The following GRXCR1 variants were observed in gnomAD, a reference collection of about 807,000 sequenced individuals.
GRXCR1 encodes the protein glutaredoxin and cysteine rich domain containing 1.
A neutral mutation model predicts 27.3 loss-of-function variants in GRXCR1; 27 were observed. The observed-to-expected ratio is 0.99, with a 90% CI of 0.73 to 1.37. GRXCR1 has a LOEUF of 1.37. Ranked by LOEUF, GRXCR1 falls within the 40% of genes most tolerant of loss-of-function variation. The pLI is 0.00. For synonymous variants in GRXCR1, 122 were observed against 131.1 expected (o/e 0.93, Z 0.47); for missense variants, 379 against 354.4 (o/e 1.07, Z -0.56).
intron 1 of GRXCR1, among the ~76,000 whole-genome samples, chr4:42,939,922 T>C (rs952431164): frequency 6.6e-6 from 1 of 151,856 alleles, no homozygotes; most frequent in African/African-American, 2.4e-5. Flanking sequence ...CTGTTATCTA[T>C]TTTTTCCCCT....
intron 1 of GRXCR1, among the ~76,000 whole-genome samples, chr4:42,896,214 C>A (rs140541137): frequency 4.6e-5 from 7 of 152,094 alleles, no homozygotes; most frequent in Non-Finnish European, 8.8e-5. Flanking sequence ...TGGTATATGT[C>A]CTGCAAAAAT....
At chr4:42,911,234 C>T (rs916996719) in intron 1 of GRXCR1, among the ~76,000 whole-genome samples, 2 of 152,114 alleles carry the variant, frequency 1.3e-5, no homozygotes, top group African/African-American at 4.8e-5. Flanking sequence ...AAAATCCAAT[C>T]TAATTTTAGG....
At chr4:42,932,112 C>A (rs1420490941) in intron 1 of GRXCR1, among the ~76,000 whole-genome samples, 1 of 151,958 alleles carries the variant, frequency 6.6e-6, no homozygotes, top group Admixed American at 6.6e-5. Flanking sequence ...AGCTACAATT[C>A]AAGATGAGAT....
intron 2 of GRXCR1, among the ~76,000 whole-genome samples, chr4:42,977,167 A>G (rs994766538): frequency 6.6e-6 from 1 of 152,048 alleles, no homozygotes; most frequent in Admixed American, 6.6e-5. Flanking sequence ...TAATGGATGA[A>G]TAGTATTCCA....
At chr4:42,968,533 C>A (rs936285273) in intron 2 of GRXCR1, among the ~76,000 whole-genome samples, 1 of 151,760 alleles carries the variant, frequency 6.6e-6, no homozygotes, top group Non-Finnish European at 1.5e-5. Context: ...TTCTCATATG[C>A]AAAATGTACA....
intron 3 of GRXCR1, among the ~76,000 whole-genome samples, chr4:43,026,298 A>G (rs1201866483): frequency 1.3e-5 from 2 of 152,328 alleles, no homozygotes; most frequent in East Asian, 3.9e-4. Flanking sequence ...CCTCTAAATT[A>G]GGACCAGACT....
In GRXCR1 at chr4:42,970,437, A is replaced by G. The variant is rs1235400691; in HGVS notation, c.627+7303A>G. Reference sequence around the variant, plus strand: ...TACCTGGACATCCAGGCGTTTCCTTATATCCTCTGAAATCTAAGAGGAGGT... The same window carrying G: ...TACCTGGACATCCAGGCGTTTCCTTGTATCCTCTGAAATCTAAGAGGAGGT... On this transcript the variant is annotated intron_variant, in intron 2 of 3. Transcript: ENST00000399770. Among the ~76,000 whole-genome samples the G allele has an allele frequency of 2.0e-5, 3 of 152,124 alleles. No homozygotes were observed. In the East Asian group the frequency reaches 5.8e-4, roughly 29 times the overall value.
intron 2 of GRXCR1, among the ~76,000 whole-genome samples, chr4:42,972,778 G>A (rs1006547187): frequency 3.3e-5 from 5 of 152,072 alleles, no homozygotes; most frequent in African/African-American, 1.2e-4. Context: ...TCAAATTTAG[G>A]TGTGTCTGGC....
intron 2 of GRXCR1, among the ~76,000 whole-genome samples, chr4:43,001,104 T>C (rs1189850424): frequency 6.6e-6 from 1 of 151,176 alleles, no homozygotes; most frequent in East Asian, 1.9e-4. Flanking sequence ...TTTTTGTATT[T>C]TTTTTTTTTT....
intron 2 of GRXCR1, among the ~76,000 whole-genome samples, chr4:42,989,966 T>A (rs1711909460): frequency 2.6e-5 from 4 of 152,074 alleles, no homozygotes; most frequent in African/African-American, 9.6e-5. Context: ...TCCAAGGTTG[T>A]GAAAAGTTTT....
chr4:42,990,737 G>T (rs2109790866), intron 2 of GRXCR1, among the ~76,000 whole-genome samples: 1 of 151,808 alleles, frequency 6.6e-6, no homozygotes, highest in Non-Finnish European at 1.5e-5. Context: ...CCTATTAATT[G>T]GAATTTATTG....
intron 3 of GRXCR1, among the ~76,000 whole-genome samples, chr4:43,029,318 G>A (rs1480971745): frequency 6.6e-6 from 1 of 152,176 alleles, no homozygotes; most frequent in African/African-American, 2.4e-5. Context: ...AAGCATGTTT[G>A]TCTGAGTATG....
intron 1 of GRXCR1, among the ~76,000 whole-genome samples, chr4:42,908,438 C>A (rs1049206763): frequency 6.6e-6 from 1 of 152,154 alleles, no homozygotes; most frequent in Non-Finnish European, 1.5e-5. Context: ...TGTGACTTTT[C>A]GGTTGAAGCT....
intron 1 of GRXCR1, among the ~76,000 whole-genome samples, chr4:42,916,125 T>C (rs538533952): frequency 6.7e-6 from 1 of 148,944 alleles, no homozygotes; most frequent in Non-Finnish European, 1.5e-5. Context: ...TACTGAAGCA[T>C]GTGCTTTTGT....
intron 2 of GRXCR1, among the ~76,000 whole-genome samples, chr4:43,008,374 A>G (rs1712632033): frequency 6.6e-6 from 1 of 152,120 alleles, no homozygotes; most frequent in Non-Finnish European, 1.5e-5. Context: ...GTTTCATGAG[A>G]AGGGAAATAG....
At chr4:42,914,335 G>C (rs1297225691) in intron 1 of GRXCR1, among the ~76,000 whole-genome samples, 1 of 152,244 alleles carries the variant, frequency 6.6e-6, no homozygotes, top group East Asian at 1.9e-4. Flanking sequence ...CCCACCTCTT[G>C]CATCAGCATG....
rs1370395171 is a variant in GRXCR1, at chr4:43,000,757, G to GT, written c.628-19596dup. ...GGCATCCACGAGGGGGTCCTGAAATGTATCCTCCAGAGAAGGGAGCACTAC... is the reference window on the plus strand; with the variant it reads ...GGCATCCACGAGGGGGTCCTGAAATGTTATCCTCCAGAGAAGGGAGCACTAC... On this transcript the variant is annotated intron_variant, in intron 2 of 3. Transcript: ENST00000399770. Among the ~76,000 whole-genome samples the GT allele has an allele frequency of 2.6e-5, 4 of 151,982 alleles. No individual in the cohort carries two copies. The East Asian group carries it at 7.7e-4, about 29-fold the overall frequency.
chr4:42,914,785 C>T (rs967874541), intron 1 of GRXCR1, among the ~76,000 whole-genome samples: 2 of 152,094 alleles, frequency 1.3e-5, no homozygotes, highest in African/African-American at 4.8e-5. Context: ...ATATAATAAT[C>T]TCCATGTGTC....
chr4:43,004,015 C>G (rs1420232077), intron 2 of GRXCR1, among the ~76,000 whole-genome samples: 1 of 152,340 alleles, frequency 6.6e-6, no homozygotes, highest in South Asian at 2.1e-4. Context: ...CCCCTCATAA[C>G]ATAGGCCTGG....
Sources: gnomAD v4.1 joint callset for allele counts (sites outside exome capture counted in the v4.1 genomes callset) on GRCh38, gnomAD v4.1.1 for gene constraint, MANE v1.5 for transcripts, NCBI Gene and HGNC (gene_info 2026-07-23, HGNC 2026-07-21) for gene names.